KCND2: variants seen among roughly 807,000 people sequenced by gnomAD.
KCND2 encodes potassium voltage-gated channel subfamily D member 2, also known as A-type voltage-gated potassium channel KCND2.
In KCND2, 16 loss-of-function variants were observed where a neutral mutation model predicts 54.4. The observed-to-expected ratio is 0.29, with a 90% CI of 0.20 to 0.45. The LOEUF (loss-of-function observed/expected upper bound fraction) is 0.45, where lower values mean the gene tolerates loss of function less well. Among genes scored for constraint, KCND2 ranks in the 20% least tolerant of loss-of-function variants. The pLI, the probability that KCND2 is intolerant of heterozygous loss-of-function variation, is 1.00. For synonymous variants in KCND2, 317 were observed against 310.7 expected, an observed-to-expected ratio of 1.02 and a Z score of -0.21; for missense variants, 486 against 824.2, an observed-to-expected ratio of 0.59 and a Z score of 5.02.
chr7:120,406,710 G>A (rs1209214788), intron 1 of KCND2, among the ~76,000 whole-genome samples: 2 of 152,042 alleles, frequency 1.3e-5, no homozygotes, highest in East Asian at 3.9e-4. Context: ...GAGAAATGAA[G>A]AATGGAAACA....
At chr7:120,582,613 T>C (rs1419407030) in intron 1 of KCND2, among the ~76,000 whole-genome samples, 1 of 152,042 alleles carries the variant, frequency 6.6e-6, no homozygotes, top group Non-Finnish European at 1.5e-5. Flanking sequence ...TCTGCCTCTT[T>C]CTCCATCCTC....
chr7:120,313,709 T>C lies in KCND2; in HGVS notation c.1115+37962T>C, dbSNP rs144962649. ...GTAGAATACTGAAGCATTGCTCTTC[T>C]TTAGAAAACTCTGCTCAAGATGTCT... On this transcript the variant is annotated intron_variant, in intron 1 of 5. Coordinates refer to ENST00000331113, the MANE Select transcript of KCND2 (RefSeq NM_012281.3). 5.4e-3 allele frequency among the ~76,000 whole-genome samples: 815 copies of C among 151,522 alleles called. 3 individuals carry two copies. The highest frequency in any genetic ancestry group is 9.2e-3 in the South Asian group (44 of 4,806).
At chr7:120,604,452 G>A (rs968511235) in intron 1 of KCND2, among the ~76,000 whole-genome samples, 26 of 150,470 alleles carry the variant, frequency 1.7e-4, no homozygotes, top group African/African-American at 6.1e-4. Context: ...GTAGTGAGCC[G>A]AGGTCGTACC....
At chr7:120,395,812 T>G (rs1197593661) in intron 1 of KCND2, among the ~76,000 whole-genome samples, 2 of 151,958 alleles carry the variant, frequency 1.3e-5, no homozygotes, top group African/African-American at 4.8e-5. Context: ...GTGAGGACAC[T>G]GGAGGTTGCT....
intron 1 of KCND2, among the ~76,000 whole-genome samples, chr7:120,496,986 T>G (rs2116310712): frequency 6.6e-6 from 1 of 152,304 alleles, no homozygotes; most frequent in South Asian, 2.1e-4. Flanking sequence ...GGCTTAATGA[T>G]TATGATAATG....
intron 1 of KCND2, among the ~76,000 whole-genome samples, chr7:120,441,450 G>C (rs1213292948): frequency 6.6e-6 from 1 of 152,002 alleles, no homozygotes; most frequent in South Asian, 2.1e-4. Context: ...TGATTTTGAG[G>C]CTCATTTTTC....
chr7:120,743,942 T>A (rs1792973221), intron 4 of KCND2, among the ~76,000 whole-genome samples: 1 of 152,154 alleles, frequency 6.6e-6, no homozygotes, highest in Admixed American at 6.6e-5. Flanking sequence ...GTAGGATAAA[T>A]TTGAAAGTTA....
chr7:120,444,400 G>A lies in KCND2; in HGVS notation c.1115+168653G>A, dbSNP rs142548296. 1.1e-3 allele frequency among the ~76,000 whole-genome samples: 168 copies of A among 152,214 alleles called. 1 individual carries two copies. Among genetic ancestry groups the A allele is most frequent in the African/African-American group, 3.7e-3 (153 of 41,552 alleles). ...CCCTTTACTAATTTTCATAAAGTCA[G>A]TATATGGACTTAGCTACCAGCTAGA... On this transcript the variant is annotated intron_variant, in intron 1 of 5. Transcript: ENST00000331113.
chr7:120,621,004 G>T (rs1225805287), intron 1 of KCND2, among the ~76,000 whole-genome samples: 1 of 152,082 alleles, frequency 6.6e-6, no homozygotes, highest in Non-Finnish European at 1.5e-5. Flanking sequence ...GTCGGGCATG[G>T]TGGCTCACAC....
chr7:120,710,553 A>T (rs1584892408), intron 1 of KCND2, among the ~76,000 whole-genome samples: 2 of 152,042 alleles, frequency 1.3e-5, no homozygotes, highest in African/African-American at 4.8e-5. Flanking sequence ...TTCATTTTCC[A>T]TTTTTTCCCC....
intron 1 of KCND2, among the ~76,000 whole-genome samples, chr7:120,489,456 T>G (rs1802744409): frequency 6.6e-6 from 1 of 152,202 alleles, no homozygotes; most frequent in Non-Finnish European, 1.5e-5. Context: ...AAGCCACAAC[T>G]TCTAACTGAA....
chr7:120,431,625 G>A (rs1801789394), intron 1 of KCND2, among the ~76,000 whole-genome samples: 1 of 152,144 alleles, frequency 6.6e-6, no homozygotes, highest in South Asian at 2.1e-4. Context: ...TTGGAGAAAG[G>A]AATGCTTCTT....
intron 1 of KCND2, among the ~76,000 whole-genome samples, chr7:120,551,706 G>C (rs1056452343): frequency 6.6e-6 from 1 of 152,124 alleles, no homozygotes; most frequent in Non-Finnish European, 1.5e-5. Flanking sequence ...TAACTTTCCT[G>C]CTATCAAACT....
At chr7:120,445,377 A>G (rs767022556) in intron 1 of KCND2, among the ~76,000 whole-genome samples, 1 of 152,180 alleles carries the variant, frequency 6.6e-6, no homozygotes, top group Non-Finnish European at 1.5e-5. Context: ...CTGTGTTTCT[A>G]TTAATTTTCA....
In KCND2 at chr7:120,342,330, A is replaced by G. The variant is rs552132576; in HGVS notation, c.1115+66583A>G. Reference sequence around the variant, plus strand: ...GTATGTAAAACACCTGGCATAGAATAAGCATTTGGTGAATGCTAGTTCTCT... The same window carrying G: ...GTATGTAAAACACCTGGCATAGAATGAGCATTTGGTGAATGCTAGTTCTCT... On this transcript the variant is annotated intron_variant, in intron 1 of 5. Coordinates refer to ENST00000331113, the MANE Select transcript of KCND2 (RefSeq NM_012281.3). Among the ~76,000 whole-genome samples the G allele has an allele frequency of 2.6e-5, 4 of 152,310 alleles. No homozygotes were observed. In the East Asian group the frequency reaches 7.7e-4, roughly 29 times the overall value.
intron 1 of KCND2, among the ~76,000 whole-genome samples, chr7:120,428,912 A>G (rs1801753051): frequency 1.3e-5 from 2 of 152,122 alleles, no homozygotes; most frequent in Admixed American, 1.3e-4. Context: ...TACCTCTCCA[A>G]TTGTTGCTCT....
At chr7:120,511,002 C>G (rs926002428) in intron 1 of KCND2, among the ~76,000 whole-genome samples, 9 of 144,648 alleles carry the variant, frequency 6.2e-5, no homozygotes, top group Admixed American at 2.7e-4. Flanking sequence ...CACCTTTCCC[C>G]ATCTCTCTCT....
At chr7:120,376,516 T>C (rs1800836919) in intron 1 of KCND2, among the ~76,000 whole-genome samples, 1 of 149,838 alleles carries the variant, frequency 6.7e-6, no homozygotes, top group Non-Finnish European at 1.5e-5. Flanking sequence ...AAAATAGAAA[T>C]ATTAAATAAT....
chr7:120,465,149 A>G (rs1266720149), intron 1 of KCND2, among the ~76,000 whole-genome samples: 1 of 152,180 alleles, frequency 6.6e-6, no homozygotes, highest in Non-Finnish European at 1.5e-5. Context: ...GGAGGAAAGG[A>G]CAGAGACAAT....
Sources: allele counts gnomAD v4.1 joint callset (sites outside exome capture counted in the v4.1 genomes callset), GRCh38; gene constraint gnomAD v4.1.1; transcripts MANE v1.5; gene names NCBI Gene and HGNC (gene_info 2026-07-23, HGNC 2026-07-21).